The following HPSE2 variants were observed in gnomAD, a reference collection of about 807,000 sequenced individuals.
HPSE2 encodes heparanase 2 (inactive), also known as inactive heparanase-2.
In HPSE2, 38 loss-of-function variants were observed where a neutral mutation model predicts 60.5. That is an observed-to-expected ratio of 0.63 (90% confidence interval 0.48 to 0.82). The LOEUF (loss-of-function observed/expected upper bound fraction) is 0.82, where lower values mean the gene tolerates loss of function less well. Among genes scored for constraint, HPSE2 ranks in the 40% least tolerant of loss-of-function variants. The probability of loss-of-function intolerance (pLI) is 0.00; values close to 1 mark genes in which losing one functional copy is unlikely to be tolerated. For missense variants in HPSE2, 713 were observed against 740.4 expected (o/e 0.96, Z 0.43); for synonymous variants, 295 against 293.2 (o/e 1.01, Z -0.06).
At chr10:98,508,737 G>C (rs1942286249) in intron 9 of HPSE2, among the ~76,000 whole-genome samples, 1 of 152,118 alleles carries the variant, frequency 6.6e-6, no homozygotes, top group Admixed American at 6.5e-5. Flanking sequence ...AAAGTGTTTG[G>C]GGCAACAGAA....
intron 3 of HPSE2, among the ~76,000 whole-genome samples, chr10:98,868,751 T>A (rs1952657355): frequency 6.6e-6 from 1 of 152,320 alleles, no homozygotes; most frequent in Admixed American, 6.5e-5. Flanking sequence ...CTCTCTAAAG[T>A]ACTACCTTAG....
chr10:99,256,760 A>T, the HPSE2 span, among the ~76,000 whole-genome samples: 1 of 152,176 alleles, frequency 6.6e-6, no homozygotes, highest in African/African-American at 2.4e-5. Context: ...ATTTATCAAG[A>T]TTGTAGGTTA....
chr10:99,313,001 A>C, the HPSE2 span, among the ~76,000 whole-genome samples: 1 of 152,144 alleles, frequency 6.6e-6, no homozygotes, highest in African/African-American at 2.4e-5. Flanking sequence ...TTATGCCATC[A>C]TGTGGCAATC....
intron 3 of HPSE2, among the ~76,000 whole-genome samples, chr10:98,760,169 C>T (rs1299557624): frequency 1.3e-5 from 2 of 151,906 alleles, no homozygotes; most frequent in African/African-American, 4.8e-5. Flanking sequence ...TTAATTCTAA[C>T]AATTTTTTAG....
rs140731055 is a variant in HPSE2 at position 98,600,457 on chromosome 10, C to G, written c.1320+14447G>C. Among the ~76,000 whole-genome samples, 376 of 152,228 alleles carry G rather than the reference C, an allele frequency of 2.5e-3. 1 individual carries two copies. Among genetic ancestry groups the G allele is most frequent in the African/African-American group, 8.7e-3 (362 of 41,558 alleles). On this transcript the variant is annotated intron_variant, in intron 9 of 11. Coordinates refer to ENST00000370552, the MANE Select transcript of HPSE2 (RefSeq NM_021828.5). ...AGTGTTGAAGAAATCCAATCATACA[C>G]TTACATACTCAGTTCCTCTTTCACT... is the stretch of plus-strand genomic sequence containing the variant.
intron 3 of HPSE2, among the ~76,000 whole-genome samples, chr10:99,134,109 A>G: frequency 6.6e-6 from 1 of 152,216 alleles, no homozygotes; most frequent in East Asian, 1.9e-4. Context: ...CGATCAAGCG[A>G]AAGAAAGGGT....
At chr10:99,099,828 G>C (rs1426300033) in intron 3 of HPSE2, among the ~76,000 whole-genome samples, 1 of 152,130 alleles carries the variant, frequency 6.6e-6, no homozygotes, top group Admixed American at 6.6e-5. Flanking sequence ...TACATTTCCT[G>C]TTCAGCAATA....
At chr10:98,483,535 A>G (rs1266903837) in intron 10 of HPSE2, among the ~76,000 whole-genome samples, 1 of 152,198 alleles carries the variant, frequency 6.6e-6, no homozygotes. Context: ...GTGTTGTATG[A>G]TTCCTCACCA....
At chr10:99,291,817 C>T in the HPSE2 span, among the ~76,000 whole-genome samples, 3 of 152,162 alleles carry the variant, frequency 2.0e-5, no homozygotes, top group African/African-American at 7.2e-5. Context: ...CTCACATTCT[C>T]TCTCTTGTTC....
intron 3 of HPSE2, among the ~76,000 whole-genome samples, chr10:99,105,732 A>G (rs980970310): frequency 6.6e-6 from 1 of 151,860 alleles, no homozygotes; most frequent in South Asian, 2.1e-4. Context: ...CCTATCTTTT[A>G]TTGTAGAAGA....
At position 98,938,729 on chromosome 10, in the gene HPSE2, A is replaced by C. The variant is rs1461725160; in HGVS notation, c.611-194673T>G. On this transcript the variant is annotated intron_variant, in intron 3 of 11. Coordinates refer to ENST00000370552, the MANE Select transcript of HPSE2 (RefSeq NM_021828.5). ...GCCAACATTCAGACTCAGGAAATAC[A>C]GAGAACGCCACAAAGATACTCCTCA... Among the ~76,000 whole-genome samples the C allele has an allele frequency of 2.1e-5, 3 of 143,570 alleles. 1 individual carries two copies. Among genetic ancestry groups the C allele is most frequent in the African/African-American group, 8.5e-5 (3 of 35,160 alleles). 94.2% of individuals were successfully genotyped at this position (143,570 alleles called of 152,430 possible).
chr10:98,610,323 G>A (rs1163208309), intron 9 of HPSE2, among the ~76,000 whole-genome samples: 1 of 152,178 alleles, frequency 6.6e-6, no homozygotes, highest in African/African-American at 2.4e-5. Context: ...TCTTGTCCTA[G>A]GATCTTGTGA....
At chr10:98,596,148 T>G (rs375504554) in intron 9 of HPSE2, among the ~76,000 whole-genome samples, 36 of 152,326 alleles carry the variant, frequency 2.4e-4, no homozygotes, top group African/African-American at 7.2e-4. Context: ...TCAGGAATAT[T>G]GGCCTATATT....
At chr10:99,251,910 G>A in the HPSE2 span, among the ~76,000 whole-genome samples, 4 of 147,248 alleles carry the variant, frequency 2.7e-5, no homozygotes, top group South Asian at 2.2e-4. Flanking sequence ...ATGGTGGCAC[G>A]TGCCTGTAGT....
intron 7 of HPSE2, among the ~76,000 whole-genome samples, chr10:98,634,591 T>C (rs1946448524): frequency 6.6e-6 from 1 of 152,214 alleles, no homozygotes; most frequent in Non-Finnish European, 1.5e-5. Context: ...ACTGGAAAGC[T>C]GGTTAAAAGC....
rs560536661 is a variant in HPSE2, at chr10:98,539,519, T to TCAAACAAA, written c.1321-49331_1321-49324dup. On this transcript the variant is annotated intron_variant, in intron 9 of 11. Coordinates refer to ENST00000370552, the MANE Select transcript of HPSE2 (RefSeq NM_021828.5). ...CTGGGCGACAGAGCGAGACTCTGTC[T>TCAAACAAA]CAAACAAACAAACAAACAAACAAAC... is the stretch of plus-strand genomic sequence containing the variant. Among the ~76,000 whole-genome samples, 645 of 152,132 alleles carry TCAAACAAA rather than the reference T, an allele frequency of 4.2e-3. 6 individuals carry two copies. The highest frequency in any genetic ancestry group is 0.014 in the African/African-American group (597 of 41,472).
chr10:98,609,647 G>T (rs1157197361), intron 9 of HPSE2, among the ~76,000 whole-genome samples: 1 of 152,056 alleles, frequency 6.6e-6, no homozygotes, highest in Non-Finnish European at 1.5e-5. Flanking sequence ...TTTGCTCAAA[G>T]ATTGTAACAG....
At chr10:99,086,851 A>T (rs1009762630) in intron 3 of HPSE2, among the ~76,000 whole-genome samples, 1 of 152,232 alleles carries the variant, frequency 6.6e-6, no homozygotes, top group Non-Finnish European at 1.5e-5. Flanking sequence ...AGGATTGACA[A>T]GAGCTTGACC....
At chr10:98,947,786 T>A (rs1955231382) in intron 3 of HPSE2, among the ~76,000 whole-genome samples, 1 of 152,130 alleles carries the variant, frequency 6.6e-6, no homozygotes. Flanking sequence ...CTACCCACCT[T>A]TTAGTTGTAC....
Sources: gnomAD v4.1 joint callset for allele counts (sites outside exome capture counted in the v4.1 genomes callset) on GRCh38, gnomAD v4.1.1 for gene constraint, MANE v1.5 for transcripts, NCBI Gene and HGNC (gene_info 2026-07-23, HGNC 2026-07-21) for gene names.